CPTP: variants seen among roughly 807,000 people sequenced by gnomAD.
The protein encoded by CPTP is GLTP domain-containing protein 1.
CPTP carries 5 observed loss-of-function variants against 5.7 expected under a neutral mutation model. The ratio of observed to expected loss-of-function variants is 0.88; its 90% CI spans 0.46 to 1.86. The LOEUF is 1.86. Ranked by LOEUF, CPTP falls within the 40% of genes most tolerant of loss-of-function variation. CPTP has a pLI of 0.01. For missense variants in CPTP, 335 were observed against 306.5 expected, an observed-to-expected ratio of 1.09 and a Z score of -0.69; for synonymous variants, 166 against 142.7, an observed-to-expected ratio of 1.16 and a Z score of -1.16.
Position 1,328,063 on chromosome 1 carries a change from GT to G in CPTP, c.*301del. ...GCGGTGCAGAGCAGAGCAGGCAGGG[GT>G]GGGGGCCGGGCCTGCAAGAGCCCGA... On this transcript the variant is annotated 3_prime_UTR_variant, in exon 3 of 3. Transcript: ENST00000343938. 1 of 491,406 alleles carries G rather than the reference GT, an allele frequency of 2.0e-6. No homozygotes were observed. The highest frequency in any genetic ancestry group is 3.6e-6 in the Non-Finnish European group (1 of 277,316). 30.4% of individuals were successfully genotyped at this position (491,406 alleles called of 1,614,324 possible). A position where few individuals can be genotyped will look rare whatever the true frequency, so the allele number is the denominator to read the frequency against.
chr1:1,327,192 G>A (rs774523800), intron 2 of CPTP, 49 bp from the exon 3 acceptor site: 15 of 1,587,022 alleles, frequency 9.5e-6, no homozygotes, highest in Middle Eastern at 1.7e-4. Context: ...CACCCCAGGC[G>A]GGCTGCCCCA....
Position 1,328,015 on chromosome 1 carries a change from G to C in CPTP, c.*252G>C. 1 of 571,084 alleles carries C rather than the reference G, an allele frequency of 1.8e-6. No homozygotes were observed. Among genetic ancestry groups the C allele is most frequent in the East Asian group, 3.0e-5 (1 of 33,712 alleles). 35.4% of individuals were successfully genotyped at this position (571,084 alleles called of 1,614,324 possible). A position where few individuals can be genotyped will look rare whatever the true frequency, so the allele number is the denominator to read the frequency against. On this transcript the variant is annotated 3_prime_UTR_variant, in exon 3 of 3. Coordinates refer to ENST00000343938, the MANE Select transcript of CPTP (RefSeq NM_001029885.2). ...CTCCCCCTCGGCCTATTACACGCGT[G>C]CGCAGCCAGGCCTCGCCAGGGTGCG...
intron 1 of CPTP, chr1:1,325,631 G>A (rs1643281547): frequency 6.6e-6 from 1 of 152,336 alleles, no homozygotes. Context: ...CTGGTGCCAA[G>A]CATGCAACCC....
In CPTP at chr1:1,328,468, G is replaced by C. The variant is rs941095649; in HGVS notation, c.*705G>C. Reference sequence around the variant, plus strand: ...ACAGCCTCCTCCGTAGCCCCTGCACGGCACCAGTTCCCCGAGGGACGCAGC... The same window carrying C: ...ACAGCCTCCTCCGTAGCCCCTGCACCGCACCAGTTCCCCGAGGGACGCAGC... On this transcript the variant is annotated 3_prime_UTR_variant, in exon 3 of 3. Transcript: ENST00000343938. 6.5e-6 allele frequency: 1 copy of C among 153,016 alleles called. No individual in the cohort carries two copies. The highest frequency in any genetic ancestry group is 1.5e-5 in the Non-Finnish European group (1 of 68,550). 9.5% of individuals were successfully genotyped at this position (153,016 alleles called of 1,614,324 possible).
rs746610033 is a variant in CPTP at position 1,327,780 on chromosome 1, C to T, written c.*17C>T. 3.7e-6 allele frequency: 6 copies of T among 1,607,840 alleles called. No individual in the cohort carries two copies. On this transcript the variant is annotated 3_prime_UTR_variant, in exon 3 of 3. Transcript: ENST00000343938. ...CTGCCCTAGGGGCGGGAAGCCAGGGCCGCACCGGCTTTCCTGCTGCAGATC... is the reference window on the plus strand; with the variant it reads ...CTGCCCTAGGGGCGGGAAGCCAGGGTCGCACCGGCTTTCCTGCTGCAGATC...
At position 1,327,237 on chromosome 1, in the gene CPTP, A is replaced by C. The variant is rs1289310537; in HGVS notation, c.123-4A>C. The stretch of plus-strand genomic sequence containing the variant: ...GAGGACTCGAGCCCCGCTCCCTTCC[A>C]CAGGTTTCTGAACAGCCTGGGCACC... On this transcript the variant is annotated splice_region_variant and splice_polypyrimidine_tract_variant and intron_variant, in intron 2 of 2. Coordinates refer to ENST00000343938, the MANE Select transcript of CPTP (RefSeq NM_001029885.2). 5.0e-6 allele frequency: 8 copies of C among 1,595,108 alleles called. No homozygotes were observed. The highest frequency in any genetic ancestry group is 6.8e-6 in the Non-Finnish European group (8 of 1,178,682).
Position 1,327,693 on chromosome 1 carries a change from C to A in CPTP, c.575C>A (p.Pro192His). 1 of 1,612,802 alleles carries A rather than the reference C, an allele frequency of 6.2e-7. No homozygotes were observed. The highest frequency in any genetic ancestry group is 8.5e-7 in the Non-Finnish European group (1 of 1,179,938). The stretch of plus-strand genomic sequence containing the variant: ...GTGCAGATGCTAGGCGAGGCCCTCC[C>A]CTTCATCCAGCGTGTCTACAACGTC... ...QAVQMLGEAL[P>H]FIQRVYNVSQ... Residue 192 changes from proline (P) to histidine (H), a missense_variant, in exon 3 of 3, where the codon CCC (proline) becomes CAC (histidine). Physicochemically the swap from Pro to His is moderately conservative, Grantham distance 77. Coordinates refer to ENST00000343938, the MANE Select transcript of CPTP (RefSeq NM_001029885.2).
At chr1:1,325,238 G>C (rs1643267073) in intron 1 of CPTP, 136 bp downstream of exon 1, 2 of 152,414 alleles carry the variant, frequency 1.3e-5, no homozygotes, top group Admixed American at 1.3e-4. Context: ...CCTCGCGCCC[G>C]GCCCTGACCT....
rs1643251881 is a variant in CPTP, at chr1:1,324,852, C to T, written c.-326C>T. ...AGGTGAGCGGCTCGGACTCGGCGGC[C>T]GCACCTGCCCAACCCAACCCGCACG... On this transcript the variant is annotated 5_prime_UTR_variant, in exon 1 of 3. Transcript: ENST00000343938. 1 of 475,072 alleles carries T rather than the reference C, an allele frequency of 2.1e-6. No homozygotes were observed. Among genetic ancestry groups the T allele is most frequent in the Non-Finnish European group, 3.7e-6 (1 of 270,884 alleles). The allele number at this position is 475,072 out of a possible 1,614,324, so 29.4% of individuals were successfully genotyped here.
At position 1,327,461 on chromosome 1, in the gene CPTP, C is replaced by G. The variant is rs1213903894; in HGVS notation, c.343C>G (p.Leu115Val). Residue 115 changes from leucine to valine, a missense_variant, in exon 3 of 3, where the codon CTG (leucine) becomes GTG (valine). Physicochemically the swap from Leu to Val is conservative, Grantham distance 32. Coordinates refer to ENST00000343938, the MANE Select transcript of CPTP (RefSeq NM_001029885.2). ...GACGGTGCTGCGCCTGCACCGCGCC[C>G]TGCACTGGCTGCAGCTGTTCCTGGA... ...CRTVLRLHRA[L>V]HWLQLFLEGL... 4.5e-6 allele frequency: 7 copies of G among 1,571,248 alleles called. No individual in the cohort carries two copies. Among genetic ancestry groups the G allele is most frequent in the Non-Finnish European group, 6.0e-6 (7 of 1,164,222 alleles).
Position 1,328,065 on chromosome 1 carries a change from G to A in CPTP, c.*302G>A, listed in dbSNP as rs758315920. The A allele has an allele frequency of 3.2e-4, 156 of 489,674 alleles. No individual in the cohort carries two copies. Among genetic ancestry groups the A allele is most frequent in the Middle Eastern group, 5.5e-4 (1 of 1,828 alleles). 30.3% of individuals were successfully genotyped at this position (489,674 alleles called of 1,614,324 possible). Reference sequence around the variant, plus strand: ...GGTGCAGAGCAGAGCAGGCAGGGGTGGGGGCCGGGCCTGCAAGAGCCCGAA... The same window carrying A: ...GGTGCAGAGCAGAGCAGGCAGGGGTAGGGGCCGGGCCTGCAAGAGCCCGAA... On this transcript the variant is annotated 3_prime_UTR_variant, in exon 3 of 3. Transcript: ENST00000343938.
At chr1:1,327,086 A>C (rs1643323843) in intron 2 of CPTP, 54 bp downstream of exon 2, 2 of 1,605,196 alleles carry the variant, frequency 1.2e-6, no homozygotes, top group Non-Finnish European at 8.5e-7. Flanking sequence ...CCCGAGTCCC[A>C]TATGTGGCAT....
intron 1 of CPTP, 177 bp downstream of exon 1, chr1:1,325,279 G>C (rs1383518879): frequency 6.6e-6 from 1 of 152,456 alleles, no homozygotes; most frequent in Non-Finnish European, 1.5e-5. Context: ...GGAAAGGCCT[G>C]GAGGTGTCCT....
intron 2 of CPTP, 21 bp from the exon 3 acceptor site, chr1:1,327,220 G>A (rs1052602792): frequency 1.1e-5 from 17 of 1,593,128 alleles, no homozygotes; most frequent in African/African-American, 2.7e-5. Context: ...GCGAGGACTC[G>A]AGCCCCGCTC....
At position 1,328,196 on chromosome 1, in the gene CPTP, T is replaced by G. The variant is rs1643352982; in HGVS notation, c.*433T>G. 4.1e-6 allele frequency: 1 copy of G among 243,154 alleles called. No individual in the cohort carries two copies. The highest frequency in any genetic ancestry group is 4.7e-5 in the South Asian group (1 of 21,178). The allele number at this position is 243,154 out of a possible 1,614,324, so 15.1% of individuals were successfully genotyped here. A position where few individuals can be genotyped will look rare whatever the true frequency, so the allele number is the denominator to read the frequency against. On this transcript the variant is annotated 3_prime_UTR_variant, in exon 3 of 3. Coordinates refer to ENST00000343938, the MANE Select transcript of CPTP (RefSeq NM_001029885.2). ...TTTCTCCTTTCTGCCAGCCGATGTG[T>G]CCTCATCTCAGGCCCGTGCCTGGGA...
Position 1,327,836 on chromosome 1 carries a change from G to A in CPTP, c.*73G>A, listed in dbSNP as rs577628799. 3.8e-5 allele frequency: 58 copies of A among 1,529,642 alleles called. No homozygotes were observed. Among genetic ancestry groups the A allele is most frequent in the African/African-American group, 2.5e-4 (18 of 72,998 alleles). The allele number at this position is 1,529,642 out of a possible 1,614,324, so 94.8% of individuals were successfully genotyped here. A position where few individuals can be genotyped will look rare whatever the true frequency, so the allele number is the denominator to read the frequency against. ...TGCGGTGGCCAGGGCCGTGAGTCCC[G>A]TGGCAGAGCCTTCTGGGCGCTGCGG... On this transcript the variant is annotated 3_prime_UTR_variant, in exon 3 of 3. Transcript: ENST00000343938.
Position 1,327,517 on chromosome 1 carries a change from C to T in CPTP, c.399C>T (p.Arg133=). The T allele has an allele frequency of 1.3e-6, 2 of 1,578,404 alleles. No homozygotes were observed. The highest frequency in any genetic ancestry group is 1.7e-6 in the Non-Finnish European group (2 of 1,165,450). ...TGCGTACCAGCCCCGAGGACGCACG[C>T]ACCTCCGCGCTCTGCGCCGACTCCT... is the stretch of plus-strand genomic sequence containing the variant. ...EGLRTSPEDA[R]TSALCADSYN... Residue 133 remains arginine (R), a synonymous_variant, in exon 3 of 3, where the codon CGC becomes CGT. Coordinates refer to ENST00000343938, the MANE Select transcript of CPTP (RefSeq NM_001029885.2).
chr1:1,326,585 T>A (rs1036717267), intron 1 of CPTP, among the ~76,000 whole-genome samples: 1 of 152,096 alleles, frequency 6.6e-6, no homozygotes, highest in African/African-American at 2.4e-5. Flanking sequence ...AGTGGTCTGA[T>A]AAAGCCAGAG....
intron 1 of CPTP, among the ~76,000 whole-genome samples, chr1:1,326,026 C>T (rs531719387): frequency 2.6e-5 from 4 of 152,340 alleles, no homozygotes; most frequent in Admixed American, 6.5e-5. Context: ...TCACACAAAG[C>T]ATGGGTGCCT....
Sources: gnomAD v4.1 joint callset for allele counts (sites outside exome capture counted in the v4.1 genomes callset) on GRCh38, gnomAD v4.1.1 for gene constraint, MANE v1.5 for transcripts, NCBI Gene and HGNC (gene_info 2026-07-23, HGNC 2026-07-21) for gene names.